PPARG: variants seen among roughly 807,000 people sequenced by gnomAD.
PPARG encodes peroxisome proliferator-activated receptor gamma.
PPARG carries 17 observed loss-of-function variants against 39.2 expected under a neutral mutation model. The ratio of observed to expected loss-of-function variants is 0.43; its 90% CI spans 0.30 to 0.65. The LOEUF is 0.65. PPARG is among the 30% of genes least tolerant of loss of function. The pLI is 0.13. For synonymous variants in PPARG, 223 were observed against 215.7 expected (o/e 1.03, Z -0.30); for missense variants, 406 against 585.9 (o/e 0.69, Z 3.17).
At chr3:12,364,569 A>G (rs1231493804) in intron 2 of PPARG, among the ~76,000 whole-genome samples, 2 of 152,164 alleles carry the variant, frequency 1.3e-5, no homozygotes, top group Admixed American at 6.5e-5. Context: ...GTACCTACCA[A>G]GGAGTGTGAT....
intron 2 of PPARG, among the ~76,000 whole-genome samples, chr3:12,349,731 G>A (rs2048427099): frequency 6.6e-6 from 1 of 152,150 alleles, no homozygotes; most frequent in African/African-American, 2.4e-5. Context: ...AACATAGTCT[G>A]GGGGAAGACG....
intron 2 of PPARG, chr3:12,351,441 C>A: frequency 1.5e-6 from 1 of 684,266 alleles, no homozygotes; most frequent in Non-Finnish European, 2.6e-6. Flanking sequence ...TTATTCCCAT[C>A]TCTCCCAAAT....
chr3:12,420,670 C>A (rs1336549433), intron 7 of PPARG, among the ~76,000 whole-genome samples: 6 of 152,102 alleles, frequency 3.9e-5, no homozygotes, highest in Non-Finnish European at 7.4e-5. Context: ...CCTAGAGGAC[C>A]CAAAGAGGAG....
At chr3:12,297,035 T>A (rs922060823) in intron 1 of PPARG, among the ~76,000 whole-genome samples, 3 of 152,240 alleles carry the variant, frequency 2.0e-5, no homozygotes, top group Non-Finnish European at 4.4e-5. Context: ...GGGCAATGTT[T>A]TGTAACTTTT....
chr3:12,342,969 T>C lies in PPARG; in HGVS notation c.-9+30516T>C, dbSNP rs773331475. On this transcript the variant is annotated intron_variant, in intron 2 of 7. Coordinates refer to ENST00000651735, the MANE Select transcript of PPARG (RefSeq NM_138711.6). ...CTTTCAAATACAAAGATTTAACATA[T>C]GTAAACTGTATTGTACTTCATTTGA... Among the ~76,000 whole-genome samples the C allele has an allele frequency of 1.1e-4, 16 of 152,348 alleles. No individual in the cohort carries two copies. The South Asian group carries it at 2.9e-3, about 28-fold the overall frequency.
intron 6 of PPARG, among the ~76,000 whole-genome samples, chr3:12,409,416 A>AG (rs141612861): frequency 0.3 from 45,020 of 147,944 alleles, 7,359 homozygotes; most frequent in East Asian, 0.43. Flanking sequence ...AATATGGGAA[A>AG]GGAAAAAAAA....
intron 2 of PPARG, among the ~76,000 whole-genome samples, chr3:12,319,308 A>T (rs534334717): frequency 5.9e-5 from 9 of 152,338 alleles, no homozygotes; most frequent in African/African-American, 1.9e-4. Flanking sequence ...TTGATCCTAA[A>T]ATAAGAAATC....
chr3:12,344,410 T>G (rs995416439), intron 2 of PPARG, among the ~76,000 whole-genome samples: 4 of 48 alleles, frequency 0.083, no homozygotes, highest in African/African-American at 0.22. Context: ...ACTTTTAGAC[T>G]GAACCATCTA....
chr3:12,334,942 A>T (rs2047968439), intron 2 of PPARG, among the ~76,000 whole-genome samples: 2 of 152,058 alleles, frequency 1.3e-5, no homozygotes, highest in Admixed American at 6.6e-5. Flanking sequence ...ACGACTACGG[A>T]TTTAAGTAGC....
intron 7 of PPARG, among the ~76,000 whole-genome samples, chr3:12,422,980 T>A (rs2051315963): frequency 6.6e-6 from 1 of 152,160 alleles, no homozygotes; most frequent in Non-Finnish European, 1.5e-5. Context: ...ACCATTTTAA[T>A]CTGTCTAACA....
At chr3:12,382,729 G>A (rs192865027) in intron 4 of PPARG, among the ~76,000 whole-genome samples, 125 of 152,272 alleles carry the variant, frequency 8.2e-4, no homozygotes, top group Non-Finnish European at 1.3e-3. Context: ...CAACACTTTG[G>A]GAGGCCAAGG....
chr3:12,396,133 T>A (rs551144150), intron 5 of PPARG, among the ~76,000 whole-genome samples: 19 of 152,152 alleles, frequency 1.2e-4, no homozygotes, highest in East Asian at 5.8e-4. Flanking sequence ...TATTATTATT[T>A]TTTTTTGAGA....
rs2049751688 is a variant in PPARG, at chr3:12,383,251, C to T, written c.390+1760C>T. Among the ~76,000 whole-genome samples, 5 of 152,118 alleles carry T rather than the reference C, an allele frequency of 3.3e-5. 1 individual carries two copies. The South Asian group carries it at 1.0e-3, about 32-fold the overall frequency. Reference sequence around the variant, plus strand: ...GTAATTTCAAAATGACACTTTGAAACACTCTGGCAAGAGATGCTTTCATTT... The same window carrying T: ...GTAATTTCAAAATGACACTTTGAAATACTCTGGCAAGAGATGCTTTCATTT... On this transcript the variant is annotated intron_variant, in intron 4 of 7. Coordinates refer to ENST00000651735, the MANE Select transcript of PPARG (RefSeq NM_138711.6).
rs747521163 is a variant in PPARG, at chr3:12,433,890, T to C, written c.1181-8T>C. The C allele has an allele frequency of 3.7e-6, 6 of 1,614,054 alleles. No homozygotes were observed. The highest frequency in any genetic ancestry group is 5.1e-6 in the Non-Finnish European group (6 of 1,180,038). ...CCCCTGTTGTGTTTTCCATATGTGCTTCCCCAGACCGCCCAGGTTTGCTGA... is the reference window on the plus strand; with the variant it reads ...CCCCTGTTGTGTTTTCCATATGTGCCTCCCCAGACCGCCCAGGTTTGCTGA... On this transcript the variant is annotated splice_polypyrimidine_tract_variant and splice_region_variant and intron_variant, in intron 7 of 7. Transcript: ENST00000651735.
intron 2 of PPARG, among the ~76,000 whole-genome samples, chr3:12,354,473 CA>C (rs34096560): frequency 0.24 from 36,784 of 151,834 alleles, 5,189 homozygotes; most frequent in Middle Eastern, 0.34. Context: ...AGGCTGGGTA[CA>C]GTGGCTCACA....
intron 2 of PPARG, among the ~76,000 whole-genome samples, chr3:12,359,750 C>T (rs1435813295): frequency 6.7e-6 from 1 of 149,500 alleles, no homozygotes; most frequent in Non-Finnish European, 1.5e-5. Flanking sequence ...TCTCAGCTCA[C>T]TGCAACCTCT....
chr3:12,342,441 G>A (rs1023947581), intron 2 of PPARG, among the ~76,000 whole-genome samples: 4 of 152,156 alleles, frequency 2.6e-5, no homozygotes, highest in African/African-American at 7.2e-5. Flanking sequence ...AAGAACATTT[G>A]GGGTCAGCTG....
chr3:12,426,782 CTA>C (rs1334880571), intron 7 of PPARG, among the ~76,000 whole-genome samples: 1 of 152,220 alleles, frequency 6.6e-6, no homozygotes, highest in East Asian at 1.9e-4. Flanking sequence ...CTGACCAACA[CTA>C]TGAGTTAAAT....
At position 12,381,502 on chromosome 3, in the gene PPARG, A is replaced by C; in HGVS notation, c.390+11A>C. On this transcript the variant is annotated intron_variant, in intron 4 of 7. Coordinates refer to ENST00000651735, the MANE Select transcript of PPARG (RefSeq NM_138711.6). The stretch of plus-strand genomic sequence containing the variant: ...TGTGAAGGATGCAAGGTAATTAAAA[A>C]AAAAGTCTTCAAAGAAATTGTTGAA... The C allele has an allele frequency of 6.2e-7, 1 of 1,612,654 alleles. No individual in the cohort carries two copies. Among genetic ancestry groups the C allele is most frequent in the Non-Finnish European group, 8.5e-7 (1 of 1,179,168 alleles).
Sources: gnomAD v4.1 joint callset for allele counts (sites outside exome capture counted in the v4.1 genomes callset) on GRCh38, gnomAD v4.1.1 for gene constraint, MANE v1.5 for transcripts, NCBI Gene and HGNC (gene_info 2026-07-23, HGNC 2026-07-21) for gene names.